Variants in TIMP3 observed in about 807,000 individuals in gnomAD.
The protein encoded by TIMP3 is TIMP metallopeptidase inhibitor 3.
A neutral mutation model predicts 30.0 loss-of-function variants in TIMP3; 11 were observed. That is an observed-to-expected ratio of 0.37 (90% CI 0.23 to 0.61). TIMP3 has a LOEUF of 0.61. Among genes scored for constraint, TIMP3 ranks in the 20% least tolerant of loss-of-function variants. The pLI is 0.70. For synonymous variants in TIMP3, 112 were observed against 111.3 expected (o/e 1.01, Z -0.04); for missense variants, 181 against 276.8 (o/e 0.65, Z 2.45).
intron 1 of TIMP3, among the ~76,000 whole-genome samples, chr22:32,817,574 G>C (rs142367890): frequency 6.6e-6 from 1 of 152,172 alleles, no homozygotes; most frequent in South Asian, 2.1e-4. Context: ...AGTGGTGCCA[G>C]TGGGTGCTTT....
Position 32,859,256 on chromosome 22 carries a change from T to A in TIMP3, c.515T>A (p.Phe172Tyr), listed in dbSNP as rs902757892. Reference sequence around the variant, plus strand: ...CTCTGGACCGACATGCTCTCCAATTTCGGTTACCCTGGCTACCAGTCCAAA... The same window carrying A: ...CTCTGGACCGACATGCTCTCCAATTACGGTTACCCTGGCTACCAGTCCAAA... ...ECLWTDMLSN[F>Y]GYPGYQSKHY... Residue 172 changes from phenylalanine to tyrosine, a missense_variant, in exon 5 of 5, where the codon TTC (phenylalanine) becomes TAC (tyrosine). By Grantham distance (22) the Phe-to-Tyr change is conservative (BLOSUM62 3). Transcript: ENST00000266085. 10 of 1,614,054 alleles carry A rather than the reference T, an allele frequency of 6.2e-6. No individual in the cohort carries two copies. The highest frequency in any genetic ancestry group is 8.5e-6 in the Non-Finnish European group (10 of 1,180,040).
intron 1 of TIMP3, among the ~76,000 whole-genome samples, chr22:32,814,253 GAA>G (rs2047009462): frequency 1.6e-5 from 2 of 127,530 alleles, no homozygotes; most frequent in South Asian, 2.7e-4. Flanking sequence ...AAGAAGGAAA[GAA>G]AGAAAGAGGG....
At chr22:32,846,329 A>G (rs1303971460) in intron 1 of TIMP3, among the ~76,000 whole-genome samples, 1 of 152,242 alleles carries the variant, frequency 6.6e-6, no homozygotes, top group Non-Finnish European at 1.5e-5. Flanking sequence ...CTGTAAGGCT[A>G]GAATATTTTT....
At chr22:32,835,275 C>T (rs2047697518) in intron 1 of TIMP3, among the ~76,000 whole-genome samples, 1 of 152,168 alleles carries the variant, frequency 6.6e-6, no homozygotes, top group South Asian at 2.1e-4. Flanking sequence ...TACTATGTTC[C>T]AGACACTGTG....
chr22:32,820,569 A>G (rs2047217447), intron 1 of TIMP3, among the ~76,000 whole-genome samples: 1 of 152,102 alleles, frequency 6.6e-6, no homozygotes, highest in African/African-American at 2.4e-5. Flanking sequence ...GGTCAGGCTG[A>G]GATTTGTCCT....
At chr22:32,802,678 G>C (rs1053811271) in intron 1 of TIMP3, among the ~76,000 whole-genome samples, 53 of 152,138 alleles carry the variant, frequency 3.5e-4, no homozygotes, top group Non-Finnish European at 5.9e-4. Context: ...TTCTGGGACT[G>C]CCAAGTTTGG....
At chr22:32,818,160 G>A (rs2047138060) in intron 1 of TIMP3, among the ~76,000 whole-genome samples, 1 of 152,186 alleles carries the variant, frequency 6.6e-6, no homozygotes, top group Non-Finnish European at 1.5e-5. Flanking sequence ...GAAAATTAAT[G>A]GCACTGCCAG....
chr22:32,839,494 C>T (rs906028288), intron 1 of TIMP3, among the ~76,000 whole-genome samples: 1 of 152,106 alleles, frequency 6.6e-6, no homozygotes, highest in Non-Finnish European at 1.5e-5. Context: ...CACCATCACC[C>T]TTCTGAGATT....
intron 1 of TIMP3, among the ~76,000 whole-genome samples, chr22:32,838,391 C>T (rs879390916): frequency 3.3e-5 from 5 of 152,302 alleles, no homozygotes; most frequent in Non-Finnish European, 5.9e-5. Flanking sequence ...AGAGGGGCAG[C>T]TGGAGGCCAG....
chr22:32,843,859 CT>C, intron 1 of TIMP3, among the ~76,000 whole-genome samples: 1 of 152,198 alleles, frequency 6.6e-6, no homozygotes, highest in African/African-American at 2.4e-5. Context: ...CCTTGCTGTC[CT>C]TTTAAAAACC....
At chr22:32,812,748 G>C (rs1456007954) in intron 1 of TIMP3, among the ~76,000 whole-genome samples, 1 of 152,218 alleles carries the variant, frequency 6.6e-6, no homozygotes, top group Non-Finnish European at 1.5e-5. Context: ...CTTTGTTTAA[G>C]TGAATGAGGA....
chr22:32,822,023 C>T (rs571676276), intron 1 of TIMP3, among the ~76,000 whole-genome samples: 62 of 152,028 alleles, frequency 4.1e-4, no homozygotes, highest in African/African-American at 1.4e-3. Context: ...GGCGTGGTGG[C>T]GCATGCCTGT....
chr22:32,835,953 A>T (rs533661437), intron 1 of TIMP3, among the ~76,000 whole-genome samples: 1 of 152,280 alleles, frequency 6.6e-6, no homozygotes, highest in Admixed American at 6.5e-5. Flanking sequence ...CTTCTCTCAT[A>T]ATTCAGTCTT....
chr22:32,848,816 C>T (rs1029441010), intron 1 of TIMP3, among the ~76,000 whole-genome samples: 10 of 152,214 alleles, frequency 6.6e-5, no homozygotes, highest in Non-Finnish European at 1.3e-4. Context: ...TTCTGTCTGG[C>T]TCCTGAGCCC....
Position 32,809,409 on chromosome 22 carries a change from C to T in TIMP3, c.121+7287C>T, listed in dbSNP as rs2046852314. Among the ~76,000 whole-genome samples the T allele has an allele frequency of 2.6e-5, 4 of 152,184 alleles. No homozygotes were observed. The South Asian group carries it at 6.2e-4, about 24-fold the overall frequency. ...TTCTTCCTCTCCAGACATGCCTTCC[C>T]TGCTGCCCCCAAATTTTATTACTGT... On this transcript the variant is annotated intron_variant, in intron 1 of 4. Coordinates refer to ENST00000266085, the MANE Select transcript of TIMP3 (RefSeq NM_000362.5).
chr22:32,818,159 T>C (rs2047137865), intron 1 of TIMP3, among the ~76,000 whole-genome samples: 1 of 152,242 alleles, frequency 6.6e-6, no homozygotes, highest in Non-Finnish European at 1.5e-5. Context: ...TGAAAATTAA[T>C]GGCACTGCCA....
intron 1 of TIMP3, among the ~76,000 whole-genome samples, chr22:32,808,449 G>T (rs1418523278): frequency 6.6e-6 from 1 of 152,194 alleles, no homozygotes; most frequent in Non-Finnish European, 1.5e-5. Flanking sequence ...GGACGCTGGG[G>T]TCTCATTATT....
At chr22:32,825,567 A>T (rs2047378368) in intron 1 of TIMP3, among the ~76,000 whole-genome samples, 1 of 145,954 alleles carries the variant, frequency 6.9e-6, no homozygotes, top group Non-Finnish European at 1.5e-5. Flanking sequence ...GCTGAGGCAG[A>T]GAATCACTTG....
intron 2 of TIMP3, among the ~76,000 whole-genome samples, chr22:32,851,997 G>A (rs1463247576): frequency 6.6e-6 from 1 of 152,118 alleles, no homozygotes; most frequent in African/African-American, 2.4e-5. Flanking sequence ...ATGAACTGGG[G>A]ATACAAAGAT....
Sources: allele counts gnomAD v4.1 joint callset (sites outside exome capture counted in the v4.1 genomes callset), GRCh38; gene constraint gnomAD v4.1.1; transcripts MANE v1.5; gene names NCBI Gene and HGNC (gene_info 2026-07-23, HGNC 2026-07-21).